RORA: variants seen among roughly 807,000 people sequenced by gnomAD.
The protein encoded by RORA is RAR related orphan receptor A, also known as nuclear receptor ROR-alpha.
In RORA, 7 loss-of-function variants were observed where a neutral mutation model predicts 69.5. The ratio of observed to expected loss-of-function variants is 0.10; its 90% confidence interval spans 0.06 to 0.19. The LOEUF (loss-of-function observed/expected upper bound fraction) is 0.19. Ranked by LOEUF, RORA falls within the 10% of genes least tolerant of loss-of-function variation. The probability of loss-of-function intolerance (pLI) is 1.00; values close to 1 mark genes in which losing one functional copy is unlikely to be tolerated. For missense variants in RORA, 457 were observed against 663.0 expected, an observed-to-expected ratio of 0.69 and a Z score of 3.41; for synonymous variants, 261 against 240.8, an observed-to-expected ratio of 1.08 and a Z score of -0.78.
intron 3 of RORA, among the ~76,000 whole-genome samples, chr15:60,515,893 T>C (rs1444544890): frequency 8.9e-6 from 1 of 112,596 alleles, no homozygotes; most frequent in African/African-American, 3.9e-5. Context: ...TACATACATA[T>C]ATATATTTAT....
At chr15:61,207,139 CAT>C (rs1491078682) in intron 1 of RORA, among the ~76,000 whole-genome samples, 1 of 152,050 alleles carries the variant, frequency 6.6e-6, no homozygotes. Flanking sequence ...CACACACACA[CAT>C]GCATATATAC....
At chr15:61,040,402 G>T (rs573620922) in intron 1 of RORA, among the ~76,000 whole-genome samples, 1 of 151,874 alleles carries the variant, frequency 6.6e-6, no homozygotes, top group Admixed American at 6.6e-5. Context: ...TAGTCTGCTT[G>T]CCTGACCTCA....
At chr15:60,781,916 G>A (rs1161498442) in intron 1 of RORA, among the ~76,000 whole-genome samples, 2 of 152,212 alleles carry the variant, frequency 1.3e-5, no homozygotes, top group African/African-American at 4.8e-5. Context: ...TTCAGGCAGT[G>A]GGCTTATTTA....
At chr15:60,765,488 C>G (rs1235617320) in intron 1 of RORA, 6 of 152,072 alleles carry the variant, frequency 3.9e-5, no homozygotes, top group Admixed American at 3.3e-4. Flanking sequence ...CTGGCTTGGT[C>G]GGGTCTTGTG....
At chr15:60,762,298 G>A (rs961343679) in intron 1 of RORA, among the ~76,000 whole-genome samples, 62 of 152,282 alleles carry the variant, frequency 4.1e-4, no homozygotes, top group African/African-American at 1.4e-3. Context: ...GCTCAACTCT[G>A]GCTTGAATTT....
Position 60,899,723 on chromosome 15 carries a change from G to A in RORA, c.167-221037C>T, listed in dbSNP as rs192573874. Among the ~76,000 whole-genome samples the A allele has an allele frequency of 8.9e-4, 135 of 152,276 alleles. 1 individual carries two copies. The highest frequency in any genetic ancestry group is 3.1e-3 in the African/African-American group (127 of 41,564). On this transcript the variant is annotated intron_variant, in intron 1 of 10. Coordinates refer to ENST00000335670, the MANE Select transcript of RORA (RefSeq NM_134261.3). Reference sequence around the variant, plus strand: ...TCCCCGCACTTCAAACTAAACCAACGACTAAGTAAACCCAGATTAAATAGA... The same window carrying A: ...TCCCCGCACTTCAAACTAAACCAACAACTAAGTAAACCCAGATTAAATAGA...
At chr15:61,168,551 G>A (rs1596042049) in intron 1 of RORA, among the ~76,000 whole-genome samples, 1 of 152,048 alleles carries the variant, frequency 6.6e-6, no homozygotes, top group African/African-American at 2.4e-5. Context: ...GAGCCACTGT[G>A]CCTGGCCCTT....
chr15:60,548,610 C>T (rs921742999), intron 2 of RORA, among the ~76,000 whole-genome samples: 1 of 152,146 alleles, frequency 6.6e-6, no homozygotes, highest in African/African-American at 2.4e-5. Flanking sequence ...ATAACTACTA[C>T]ACTTCACGGT....
In RORA at chr15:61,210,227, T is replaced by C. The variant is rs560188644; in HGVS notation, c.166+18826A>G. ...TCAGAATTGAAGTATACTGATGATCTTACACTTAAGAAGACTCCAAACTGC... is the reference window on the plus strand; with the variant it reads ...TCAGAATTGAAGTATACTGATGATCCTACACTTAAGAAGACTCCAAACTGC... On this transcript the variant is annotated intron_variant, in intron 1 of 10. Coordinates refer to ENST00000335670, the MANE Select transcript of RORA (RefSeq NM_134261.3). Among the ~76,000 whole-genome samples the C allele has an allele frequency of 2.0e-5, 3 of 152,332 alleles. No homozygotes were observed. The East Asian group carries it at 5.8e-4, about 29-fold the overall frequency.
intron 1 of RORA, among the ~76,000 whole-genome samples, chr15:60,821,507 T>G (rs73428351): frequency 1.2e-3 from 185 of 152,338 alleles, no homozygotes; most frequent in African/African-American, 4.4e-3. Flanking sequence ...CTCACCACTT[T>G]TATCCCCTAT....
intron 2 of RORA, among the ~76,000 whole-genome samples, chr15:60,656,314 T>G (rs2070221448): frequency 6.6e-6 from 1 of 152,224 alleles, no homozygotes; most frequent in African/African-American, 2.4e-5. Context: ...TGTGTCTGCC[T>G]TGTTTCATTA....
At chr15:61,001,693 T>C (rs1483296604) in intron 1 of RORA, among the ~76,000 whole-genome samples, 1 of 152,190 alleles carries the variant, frequency 6.6e-6, no homozygotes, top group Non-Finnish European at 1.5e-5. Flanking sequence ...GAGTTCACTT[T>C]CTAGTGGGAG....
intron 2 of RORA, among the ~76,000 whole-genome samples, chr15:60,551,473 G>A (rs2067226095): frequency 6.6e-6 from 1 of 152,086 alleles, no homozygotes; most frequent in African/African-American, 2.4e-5. Context: ...AGTACAAAGA[G>A]CCATCTTTGC....
chr15:61,178,534 AT>A (rs2079652279), intron 1 of RORA, among the ~76,000 whole-genome samples: 1 of 152,120 alleles, frequency 6.6e-6, no homozygotes, highest in African/African-American at 2.4e-5. Flanking sequence ...TTTCAAGGAT[AT>A]TGGAAAATAC....
intron 1 of RORA, among the ~76,000 whole-genome samples, chr15:61,034,093 C>A (rs555017255): frequency 8.5e-5 from 13 of 152,168 alleles, no homozygotes; most frequent in South Asian, 6.2e-4. Flanking sequence ...ATTGGACAGT[C>A]CTGGTCTAGA....
chr15:61,128,325 G>A lies in RORA; in HGVS notation c.166+100728C>T, dbSNP rs558525457. The stretch of plus-strand genomic sequence containing the variant: ...TTAGCTTACCTTTATTTTTTAAACT[G>A]CAAATACAGAAAGAAAAAAAAAATC... On this transcript the variant is annotated intron_variant, in intron 1 of 10. Coordinates refer to ENST00000335670, the MANE Select transcript of RORA (RefSeq NM_134261.3). This position sits in a 1 kb window ranked among gnomAD's most constrained non-coding sequence, Gnocchi z 4.5. Among the ~76,000 whole-genome samples, 7 of 151,664 alleles carry A rather than the reference G, an allele frequency of 4.6e-5. No homozygotes were observed. The highest frequency in any genetic ancestry group is 1.5e-4 in the African/African-American group (6 of 41,326).
At chr15:61,208,906 G>GT (rs747492656) in intron 1 of RORA, among the ~76,000 whole-genome samples, 59 of 152,266 alleles carry the variant, frequency 3.9e-4, no homozygotes, top group Middle Eastern at 6.8e-3. Flanking sequence ...TGACCAGAAT[G>GT]TTTTTGTGGT....
intron 1 of RORA, among the ~76,000 whole-genome samples, chr15:61,097,919 T>C (rs1219071565): frequency 6.6e-6 from 1 of 152,230 alleles, no homozygotes; most frequent in Non-Finnish European, 1.5e-5. Context: ...AGGCAAAGAA[T>C]CTTCTCAGTA....
intron 1 of RORA, among the ~76,000 whole-genome samples, chr15:60,916,872 C>T (rs983553996): frequency 2.6e-5 from 4 of 152,184 alleles, no homozygotes; most frequent in Admixed American, 6.5e-5. Context: ...GCTGATGTTT[C>T]GCTTAGCATA....
Sources: gnomAD v4.1 joint callset for allele counts (sites outside exome capture counted in the v4.1 genomes callset) on GRCh38, gnomAD v4.1.1 for gene constraint, Gnocchi (gnomAD v3.1) non-coding constraint, MANE v1.5 for transcripts, NCBI Gene and HGNC (gene_info 2026-07-23, HGNC 2026-07-21) for gene names.